TMEM108: variants seen among roughly 807,000 people sequenced by gnomAD.
The protein encoded by TMEM108 is cancer/testis antigen 124.
TMEM108 carries 12 observed loss-of-function variants against 35.1 expected under a neutral mutation model. The ratio of observed to expected loss-of-function variants is 0.34; its 90% CI spans 0.22 to 0.55. The LOEUF (loss-of-function observed/expected upper bound fraction) is 0.55, where lower values mean the gene tolerates loss of function less well. TMEM108 is among the 20% of genes least tolerant of loss of function. The pLI is 0.89. For missense variants in TMEM108, 680 were observed against 753.3 expected (o/e 0.90, Z 1.14); for synonymous variants, 287 against 308.6 (o/e 0.93, Z 0.73).
chr3:133,187,151 T>A (rs1438793382), intron 2 of TMEM108, among the ~76,000 whole-genome samples: 1 of 152,248 alleles, frequency 6.6e-6, no homozygotes, highest in East Asian at 1.9e-4. Context: ...CTAGGCTTTA[T>A]CTCTGAGAGC....
At chr3:133,100,068 G>A (rs1241748946) in intron 2 of TMEM108, among the ~76,000 whole-genome samples, 1 of 152,194 alleles carries the variant, frequency 6.6e-6, no homozygotes, top group Non-Finnish European at 1.5e-5. Flanking sequence ...TGGATTTACA[G>A]TTTCACATGG....
At chr3:133,111,610 T>C (rs182202515) in intron 2 of TMEM108, among the ~76,000 whole-genome samples, 1 of 152,286 alleles carries the variant, frequency 6.6e-6, no homozygotes, top group Admixed American at 6.5e-5. Flanking sequence ...ATTTTTAATA[T>C]TTTGCGTGCA....
rs1209669526 is a variant in TMEM108 at position 133,346,916 on chromosome 3, T to TTCTCCAAAGGA, written c.41-32836_41-32835insTCTCCAAAGGA. ...ACAAACAGTCCTTTCTCCATTGAAT[T>TTCTCCAAAGGA]GCCTTAGCTCCTTTGTCAAAGATCA... On this transcript the variant is annotated intron_variant, in intron 3 of 5. Transcript: ENST00000321871. This position sits in a 1 kb window ranked among gnomAD's most constrained non-coding sequence, Gnocchi z 4.0. Among the ~76,000 whole-genome samples the TTCTCCAAAGGA allele has an allele frequency of 2.0e-5, 3 of 152,128 alleles. No individual in the cohort carries two copies. The East Asian group carries it at 5.8e-4, about 29-fold the overall frequency.
At chr3:133,144,511 TG>T (rs1434715525) in intron 2 of TMEM108, among the ~76,000 whole-genome samples, 2 of 152,204 alleles carry the variant, frequency 1.3e-5, no homozygotes, top group African/African-American at 2.4e-5. Context: ...CTGGGTCAAG[TG>T]GTATTTCTAG....
chr3:133,273,267 A>T (rs1946797219), intron 3 of TMEM108, among the ~76,000 whole-genome samples: 2 of 152,170 alleles, frequency 1.3e-5, no homozygotes, highest in South Asian at 4.1e-4. Context: ...TTATGGATAA[A>T]AATTGTCTTA....
intron 3 of TMEM108, among the ~76,000 whole-genome samples, chr3:133,378,890 GC>G (rs2072921145): frequency 6.7e-6 from 1 of 148,858 alleles, no homozygotes; most frequent in Non-Finnish European, 1.5e-5. Context: ...TCAGAGTTCA[GC>G]CACATGAATG....
intron 3 of TMEM108, among the ~76,000 whole-genome samples, chr3:133,298,211 A>G (rs184362555): frequency 6.6e-6 from 1 of 152,230 alleles, no homozygotes; most frequent in East Asian, 1.9e-4. Context: ...TTTTATTAGT[A>G]GGATTCTATT....
intron 2 of TMEM108, among the ~76,000 whole-genome samples, chr3:133,164,994 A>G (rs943324082): frequency 5.0e-5 from 3 of 60,372 alleles, no homozygotes; most frequent in Non-Finnish European, 1.0e-4. Context: ...TACAGTAACA[A>G]AGTATAAACA....
intron 2 of TMEM108, among the ~76,000 whole-genome samples, chr3:133,079,632 A>G (rs1412485966): frequency 6.6e-6 from 1 of 152,174 alleles, no homozygotes; most frequent in African/African-American, 2.4e-5. Flanking sequence ...GAAAGGCCCT[A>G]TGTCCAGGTA....
intron 3 of TMEM108, among the ~76,000 whole-genome samples, chr3:133,316,860 C>A (rs3849405): frequency 1.3e-5 from 2 of 151,950 alleles, no homozygotes; most frequent in East Asian, 3.9e-4. Context: ...CCAGACAGAC[C>A]GTCTAAGTGA....
At chr3:133,256,940 T>TA (rs2107672727) in intron 3 of TMEM108, 1 of 152,332 alleles carries the variant, frequency 6.6e-6, no homozygotes. Flanking sequence ...GAGTCAGTCT[T>TA]ACCCGTGAAC....
At chr3:133,056,561 G>T (rs9849104) in intron 2 of TMEM108, among the ~76,000 whole-genome samples, 59,835 of 151,896 alleles carry the variant, frequency 0.39, 12,507 homozygotes, top group Admixed American at 0.5. Context: ...GTATGCATAC[G>T]TGCTTGCTGA....
chr3:133,322,797 C>T (rs1046618597), intron 3 of TMEM108, among the ~76,000 whole-genome samples: 4 of 152,064 alleles, frequency 2.6e-5, no homozygotes, highest in Admixed American at 1.3e-4. Flanking sequence ...AATCAAACAA[C>T]GTATCAAAAA....
chr3:133,170,671 GT>G (rs1945116918), intron 2 of TMEM108, among the ~76,000 whole-genome samples: 1 of 151,856 alleles, frequency 6.6e-6, no homozygotes, highest in Non-Finnish European at 1.5e-5. Context: ...TAAAGTCAGA[GT>G]TTTAAAAAGA....
intron 2 of TMEM108, among the ~76,000 whole-genome samples, chr3:133,053,484 C>T (rs1013921658): frequency 6.6e-6 from 1 of 152,334 alleles, no homozygotes; most frequent in African/African-American, 2.4e-5. Flanking sequence ...AAAAGGAGAA[C>T]ACTTTTAGAC....
At chr3:133,330,908 A>G (rs575576070) in intron 3 of TMEM108, among the ~76,000 whole-genome samples, 1 of 152,342 alleles carries the variant, frequency 6.6e-6, no homozygotes, top group South Asian at 2.1e-4. Flanking sequence ...AGTAGACAAC[A>G]TAACATAGCA....
At chr3:133,301,037 AG>A (rs1947218582) in intron 3 of TMEM108, among the ~76,000 whole-genome samples, 3 of 105,790 alleles carry the variant, frequency 2.8e-5, no homozygotes, top group Admixed American at 1.9e-4. Flanking sequence ...CACACACACA[AG>A]TTCTACTTTG....
At chr3:133,232,201 T>G (rs1370820460) in intron 3 of TMEM108, among the ~76,000 whole-genome samples, 2 of 152,064 alleles carry the variant, frequency 1.3e-5, no homozygotes, top group South Asian at 2.1e-4. Flanking sequence ...GTTTTGGAGG[T>G]AGGGCTAAAT....
intron 2 of TMEM108, among the ~76,000 whole-genome samples, chr3:133,115,464 A>C (rs941506028): frequency 6.6e-6 from 1 of 152,210 alleles, no homozygotes; most frequent in African/African-American, 2.4e-5. Context: ...GAGGGGAGGA[A>C]ACTGAGGTTC....
Sources: gnomAD v4.1 joint callset for allele counts (sites outside exome capture counted in the v4.1 genomes callset) on GRCh38, gnomAD v4.1.1 for gene constraint, Gnocchi (gnomAD v3.1) non-coding constraint, MANE v1.5 for transcripts, NCBI Gene and HGNC (gene_info 2026-07-23, HGNC 2026-07-21) for gene names.